The following NCALD variants were observed in gnomAD, a reference collection of about 807,000 sequenced individuals.
The protein encoded by NCALD is neurocalcin delta.
In NCALD, 10 loss-of-function variants were observed where a neutral mutation model predicts 18.6. That is an observed-to-expected ratio of 0.54 (90% CI 0.33 to 0.91). NCALD has a LOEUF of 0.91. NCALD is among the 40% of genes least tolerant of loss of function. NCALD has a pLI of 0.03. For missense variants in NCALD, 184 were observed against 247.6 expected (o/e 0.74, Z 1.72); for synonymous variants, 88 against 87.4 (o/e 1.01, Z -0.04).
chr8:102,076,164 CAT>C (rs1022445745), intron 1 of NCALD, among the ~76,000 whole-genome samples: 3 of 151,818 alleles, frequency 2.0e-5, no homozygotes, highest in African/African-American at 7.3e-5. Context: ...AAAAAAATAA[CAT>C]GTTTATTATA....
chr8:101,927,398 T>A (rs1465573264), intron 2 of NCALD, among the ~76,000 whole-genome samples: 3 of 152,208 alleles, frequency 2.0e-5, no homozygotes, highest in Non-Finnish European at 4.4e-5. Context: ...GTCAGGGAGC[T>A]GCAGCAGAGA....
At chr8:101,723,600 C>T (rs1248892203) in intron 1 of NCALD, among the ~76,000 whole-genome samples, 1 of 152,074 alleles carries the variant, frequency 6.6e-6, no homozygotes, top group Non-Finnish European at 1.5e-5. Context: ...AAAAAAAGGA[C>T]TCCAATTTTA....
intron 2 of NCALD, among the ~76,000 whole-genome samples, chr8:101,988,741 T>C (rs561986485): frequency 2.4e-4 from 36 of 152,204 alleles, no homozygotes; most frequent in African/African-American, 8.4e-4. Context: ...TCAGGGTTTT[T>C]CCCTTGTTAT....
At position 101,947,098 on chromosome 8, in the gene NCALD, T is replaced by C. The variant is rs182184909; in HGVS notation, c.-156-31240A>G. Among the ~76,000 whole-genome samples, 642 of 152,314 alleles carry C rather than the reference T, an allele frequency of 4.2e-3. 7 individuals carry two copies. The highest frequency in any genetic ancestry group is 0.017 in the South Asian group (80 of 4,832). On this transcript the variant is annotated intron_variant, in intron 2 of 6. Transcript: ENST00000311028. ...AAGAATTGTAACAGGAGATGGAACA[T>C]GGCTTTATCAGCACAATCCTGAAGA... is the stretch of plus-strand genomic sequence containing the variant.
chr8:101,801,643 C>CTTTTTTTTTTTTTTT (rs71268530), intron 4 of NCALD, among the ~76,000 whole-genome samples: 1 of 44,176 alleles, frequency 2.3e-5, no homozygotes, highest in Non-Finnish European at 5.6e-5. Flanking sequence ...AGCACACTTA[C>CTTTTTTTTTTTTTTT]TTTTTTTTTT....
intron 4 of NCALD, among the ~76,000 whole-genome samples, chr8:101,807,912 A>C (rs1222031351): frequency 6.6e-6 from 1 of 152,162 alleles, no homozygotes; most frequent in Non-Finnish European, 1.5e-5. Flanking sequence ...AAACTAAAGA[A>C]AGTAGAAAGA....
chr8:101,794,790 A>G (rs1812579357), upstream of NCALD, among the ~76,000 whole-genome samples: 1 of 152,238 alleles, frequency 6.6e-6, no homozygotes, highest in African/African-American at 2.4e-5. Flanking sequence ...CAGGATTTAT[A>G]CTCAGGAAGC....
At chr8:101,964,515 G>C (rs1300309023) in intron 2 of NCALD, among the ~76,000 whole-genome samples, 1 of 152,304 alleles carries the variant, frequency 6.6e-6, no homozygotes, top group East Asian at 1.9e-4. Context: ...CATGGAAACA[G>C]TATGAGGAGA....
chr8:101,955,320 G>A (rs915977362), intron 2 of NCALD, among the ~76,000 whole-genome samples: 3 of 152,152 alleles, frequency 2.0e-5, no homozygotes, highest in East Asian at 1.9e-4. Flanking sequence ...ATTCTCTTTC[G>A]TAGAGAGGGC....
At chr8:101,820,747 AC>A (rs1175494138) in intron 4 of NCALD, among the ~76,000 whole-genome samples, 1 of 152,216 alleles carries the variant, frequency 6.6e-6, no homozygotes, top group Middle Eastern at 3.2e-3. Flanking sequence ...TCCAGGTTAA[AC>A]CGAAGCTACA....
chr8:102,101,737 G>C (rs1825289291), intron 1 of NCALD, among the ~76,000 whole-genome samples: 1 of 152,172 alleles, frequency 6.6e-6, no homozygotes, highest in South Asian at 2.1e-4. Flanking sequence ...TCTCAGACTA[G>C]AAATGAATGC....
At chr8:102,046,530 G>A (rs1823245831) in intron 1 of NCALD, among the ~76,000 whole-genome samples, 1 of 151,668 alleles carries the variant, frequency 6.6e-6, no homozygotes, top group African/African-American at 2.4e-5. Context: ...TTTTAGACAT[G>A]GTCTCACTCT....
At position 101,991,443 on chromosome 8, in the gene NCALD, C is replaced by T. The variant is rs182674158; in HGVS notation, c.-157+28794G>A. On this transcript the variant is annotated intron_variant, in intron 2 of 6. Transcript: ENST00000311028. ...GAGACTTTAACCTTAAAATGAAAAA[C>T]TTTCTTATTTTGGCCTCCTGAATGA... Among the ~76,000 whole-genome samples the T allele has an allele frequency of 5.0e-3, 754 of 152,266 alleles. 10 individuals carry two copies. The highest frequency in any genetic ancestry group is 0.017 in the African/African-American group (702 of 41,548).
At chr8:102,009,958 G>A (rs13272134) in intron 2 of NCALD, among the ~76,000 whole-genome samples, 2,022 of 152,348 alleles carry the variant, frequency 0.013, 22 homozygotes, top group Non-Finnish European at 0.02. Flanking sequence ...GCCCCACTGT[G>A]TCCCCCAGTA....
intron 4 of NCALD, among the ~76,000 whole-genome samples, chr8:101,822,296 T>C (rs1482361369): frequency 1.3e-5 from 2 of 152,208 alleles, no homozygotes; most frequent in African/African-American, 4.8e-5. Flanking sequence ...GAACATTTAT[T>C]CATTCACAGA....
At chr8:102,043,841 A>G (rs1823144062) in intron 1 of NCALD, among the ~76,000 whole-genome samples, 1 of 151,772 alleles carries the variant, frequency 6.6e-6, no homozygotes, top group African/African-American at 2.4e-5. Flanking sequence ...GCTTGGAAGG[A>G]GAAAATTACA....
intron 1 of NCALD, among the ~76,000 whole-genome samples, chr8:101,726,607 A>G (rs925001586): frequency 6.6e-6 from 1 of 152,194 alleles, no homozygotes; most frequent in Admixed American, 6.5e-5. Flanking sequence ...GGGCTTTTGG[A>G]TGAGGCATGA....
intron 4 of NCALD, among the ~76,000 whole-genome samples, chr8:101,802,105 C>T (rs897541580): frequency 2.0e-5 from 3 of 152,130 alleles, no homozygotes. Context: ...CAAATCATGT[C>T]TCTGTGTCAC....
At chr8:102,043,272 T>C (rs1823116527) in intron 1 of NCALD, among the ~76,000 whole-genome samples, 1 of 152,152 alleles carries the variant, frequency 6.6e-6, no homozygotes, top group East Asian at 1.9e-4. Flanking sequence ...GTTTAAGCTT[T>C]GGAAACTCTT....
Sources: allele counts gnomAD v4.1 joint callset (sites outside exome capture counted in the v4.1 genomes callset), GRCh38; gene constraint gnomAD v4.1.1; transcripts MANE v1.5; gene names NCBI Gene and HGNC (gene_info 2026-07-23, HGNC 2026-07-21).